PTPRO: variants seen among roughly 807,000 people sequenced by gnomAD.
PTPRO encodes protein tyrosine phosphatase receptor type O.
In PTPRO, 62 loss-of-function variants were observed where a neutral mutation model predicts 145.2. The observed-to-expected ratio is 0.43, with a 90% CI of 0.35 to 0.53. The LOEUF is 0.53. Among genes scored for constraint, PTPRO ranks in the 20% least tolerant of loss-of-function variants. The pLI is 0.01. For missense variants in PTPRO, 1,345 were observed against 1,482.7 expected, an observed-to-expected ratio of 0.91 and a Z score of 1.53; for synonymous variants, 565 against 514.7, an observed-to-expected ratio of 1.10 and a Z score of -1.32.
chr12:15,532,552 T>A, intron 12 of PTPRO, among the ~76,000 whole-genome samples: 1 of 152,098 alleles, frequency 6.6e-6, no homozygotes. Context: ...AAAACATTCC[T>A]CCAAACTTTC....
chr12:15,497,482 C>T (rs1673512484), intron 3 of PTPRO, 79 bp downstream of exon 3: 1 of 1,426,326 alleles, frequency 7.0e-7, no homozygotes. Flanking sequence ...TTCTCTCTTA[C>T]TGCAAAGAGG....
intron 12 of PTPRO, among the ~76,000 whole-genome samples, chr12:15,537,620 A>G (rs1245719032): frequency 1.3e-5 from 2 of 152,194 alleles, no homozygotes; most frequent in African/African-American, 4.8e-5. Context: ...AAAATCTAAA[A>G]TGCACAGGAG....
intron 1 of PTPRO, among the ~76,000 whole-genome samples, chr12:15,429,721 G>T (rs1469764036): frequency 6.6e-6 from 1 of 152,168 alleles, no homozygotes; most frequent in Non-Finnish European, 1.5e-5. Context: ...AACATGACCT[G>T]TTTTATACAT....
intron 2 of PTPRO, among the ~76,000 whole-genome samples, chr12:15,485,992 G>T (rs1262597458): frequency 6.6e-6 from 1 of 152,036 alleles, no homozygotes; most frequent in Non-Finnish European, 1.5e-5. Context: ...GTCCAAATAT[G>T]GTCTTTCTTG....
At chr12:15,544,443 T>G (rs1341164362) in intron 12 of PTPRO, among the ~76,000 whole-genome samples, 1 of 140,252 alleles carries the variant, frequency 7.1e-6, no homozygotes, top group East Asian at 2.1e-4. Context: ...AGGCAGAGGT[T>G]GCAGTGAGCC....
At chr12:15,546,417 T>C (rs1943289836) in intron 12 of PTPRO, 152 bp from the exon 13 acceptor site, 13 of 1,455,032 alleles carry the variant, frequency 8.9e-6, no homozygotes, top group Non-Finnish European at 1.1e-5. Context: ...GCTATCTTTA[T>C]GAAAGGACAT....
chr12:15,528,540 T>TA (rs1332119966), intron 12 of PTPRO, among the ~76,000 whole-genome samples: 10 of 148,198 alleles, frequency 6.7e-5, no homozygotes, highest in Non-Finnish European at 1.3e-4. Flanking sequence ...AAAAAGGTAT[T>TA]AAAAAAACCT....
chr12:15,439,176 G>C (rs760201580), intron 1 of PTPRO, among the ~76,000 whole-genome samples: 1 of 152,040 alleles, frequency 6.6e-6, no homozygotes, highest in Non-Finnish European at 1.5e-5. Context: ...CTCAACAAAG[G>C]TTTATAAGTG....
At chr12:15,331,621 A>G (rs1322919819) in intron 1 of PTPRO, among the ~76,000 whole-genome samples, 1 of 152,242 alleles carries the variant, frequency 6.6e-6, no homozygotes, top group Non-Finnish European at 1.5e-5. Context: ...ACAATAAACT[A>G]AAGAGAAAAA....
intron 1 of PTPRO, among the ~76,000 whole-genome samples, chr12:15,381,412 C>T (rs918808698): frequency 2.6e-5 from 4 of 152,146 alleles, no homozygotes; most frequent in Non-Finnish European, 4.4e-5. Flanking sequence ...TGGTTGTTTT[C>T]TATATCCCTA....
chr12:15,444,139 A>G (rs1940841713), intron 1 of PTPRO, among the ~76,000 whole-genome samples: 1 of 152,180 alleles, frequency 6.6e-6, no homozygotes, highest in African/African-American at 2.4e-5. Flanking sequence ...TAGACTATGG[A>G]ATACTATGCA....
chr12:15,568,500 C>A (rs1943960208), intron 18 of PTPRO, among the ~76,000 whole-genome samples: 1 of 151,912 alleles, frequency 6.6e-6, no homozygotes, highest in African/African-American at 2.4e-5. Context: ...GAGTAACACA[C>A]CACAAGACCA....
At chr12:15,390,864 T>C (rs1939170752) in intron 1 of PTPRO, among the ~76,000 whole-genome samples, 1 of 152,134 alleles carries the variant, frequency 6.6e-6, no homozygotes, top group Non-Finnish European at 1.5e-5. Flanking sequence ...ACAACAGCAA[T>C]TTATTTCTCA....
At chr12:15,447,113 A>G (rs866761935) in intron 1 of PTPRO, among the ~76,000 whole-genome samples, 1 of 152,150 alleles carries the variant, frequency 6.6e-6, no homozygotes, top group Non-Finnish European at 1.5e-5. Flanking sequence ...CCTGGAAAGA[A>G]TAAGGTTTTA....
chr12:15,575,941 A>G (rs934406155), intron 19 of PTPRO, among the ~76,000 whole-genome samples: 2 of 152,052 alleles, frequency 1.3e-5, no homozygotes, highest in Admixed American at 1.3e-4. Context: ...CTTAATTACA[A>G]CTGCAAAGAC....
At chr12:15,404,573 T>A (rs1346915812) in intron 1 of PTPRO, among the ~76,000 whole-genome samples, 1 of 152,216 alleles carries the variant, frequency 6.6e-6, no homozygotes, top group African/African-American at 2.4e-5. Flanking sequence ...TGTGATTTCT[T>A]TGGGTACCCA....
chr12:15,539,796 GA>G (rs1287046953), intron 12 of PTPRO, among the ~76,000 whole-genome samples: 18 of 64,032 alleles, frequency 2.8e-4, no homozygotes, highest in Admixed American at 1.1e-3. Flanking sequence ...AAAAAAAAAA[GA>G]ATATAGTTAA....
chr12:15,488,598 T>A (rs1438492162), intron 2 of PTPRO, among the ~76,000 whole-genome samples: 1 of 152,214 alleles, frequency 6.6e-6, no homozygotes, highest in Non-Finnish European at 1.5e-5. Flanking sequence ...AAAGAGTACC[T>A]TTATAGCAGT....
At chr12:15,364,930 G>A (rs1174718814) in intron 1 of PTPRO, among the ~76,000 whole-genome samples, 2 of 152,080 alleles carry the variant, frequency 1.3e-5, no homozygotes, top group Admixed American at 6.6e-5. Context: ...CTTCTGGCCT[G>A]GGTCCAGAAA....
Sources: gnomAD v4.1 joint callset for allele counts (sites outside exome capture counted in the v4.1 genomes callset) on GRCh38, gnomAD v4.1.1 for gene constraint, MANE v1.5 for transcripts, NCBI Gene and HGNC (gene_info 2026-07-23, HGNC 2026-07-21) for gene names.